CERT1: variants seen among roughly 807,000 people sequenced by gnomAD.
The protein encoded by CERT1 is ceramide transporter 1.
Under a neutral mutation model 87.9 loss-of-function variants are expected in CERT1, and 31 were observed. The observed-to-expected ratio is 0.35, with a 90% CI of 0.27 to 0.48. CERT1 has a LOEUF of 0.48. Ranked by LOEUF, CERT1 falls within the 20% of genes least tolerant of loss-of-function variation. The pLI is 0.99. For synonymous variants in CERT1, 289 were observed against 250.9 expected (o/e 1.15, Z -1.44); for missense variants, 487 against 758.0 (o/e 0.64, Z 4.20).
Position 75,386,019 on chromosome 5 carries a change from C to T in CERT1, c.1300G>A (p.Val434Ile), listed in dbSNP as rs61754509. The T allele has an allele frequency of 1.1e-5, 17 of 1,571,148 alleles. No individual in the cohort carries two copies. The highest frequency in any genetic ancestry group is 1.4e-5 in the Non-Finnish European group (16 of 1,160,154). Reference sequence around the variant, plus strand: ...TCCAGAACAATCCCATTTTCTTCTACTTCTCTTCTGTATACCTAAAGAGAA... The same window carrying T: ...TCCAGAACAATCCCATTTTCTTCTATTTCTCTTCTGTATACCTAAAGAGAA... ...EGEMKVYRRE[V>I]EENGIVLDPL... The change falls in exon 13 of 17, where the codon GTA (valine) becomes ATA (isoleucine). Residue 434 changes from valine (V) to isoleucine (I), a missense_variant. By Grantham distance (29) the Val-to-Ile change is conservative. Around this residue, in one of 8 missense-constraint regions of CERT1, gnomAD observed 147 missense variants for 200.8 expected, o/e 0.73. Transcript: ENST00000643780.
Position 75,459,060 on chromosome 5 carries a change from C to T in CERT1, c.348+5G>A. On this transcript the variant is annotated splice_donor_5th_base_variant and intron_variant, in intron 3 of 16. Transcript: ENST00000643780. ...CCATGGACAGGTAAACATTAGGGAT[C>T]TTACCTTGTGCTGTTCAATGGCATC... 1.9e-6 allele frequency: 3 copies of T among 1,547,154 alleles called. No homozygotes were observed. The highest frequency in any genetic ancestry group is 2.2e-5 in the South Asian group (2 of 89,626).
intron 2 of CERT1, among the ~76,000 whole-genome samples, chr5:75,468,742 G>A (rs1345606536): frequency 6.6e-6 from 1 of 152,156 alleles, no homozygotes; most frequent in Non-Finnish European, 1.5e-5. Flanking sequence ...GCCTAATGCT[G>A]TAACAGTTGC....
At chr5:75,413,963 C>CA (rs1418577682) in intron 7 of CERT1, among the ~76,000 whole-genome samples, 1 of 150,796 alleles carries the variant, frequency 6.6e-6, no homozygotes, top group Non-Finnish European at 1.5e-5. Context: ...TCATGATAGC[C>CA]AAAAAATGAA....
intron 8 of CERT1, among the ~76,000 whole-genome samples, chr5:75,404,457 G>C (rs1200511237): frequency 6.6e-6 from 1 of 152,104 alleles, no homozygotes; most frequent in Non-Finnish European, 1.5e-5. Context: ...CCTTCCTCCT[G>C]CAGGATTCTC....
In CERT1 at chr5:75,416,529, A is replaced by G. The variant is rs150916901; in HGVS notation, c.837+347T>C. Among the ~76,000 whole-genome samples, 318 of 152,342 alleles carry G rather than the reference A, an allele frequency of 2.1e-3. 1 individual carries two copies. The East Asian group carries it at 0.027, about 13-fold the overall frequency. On this transcript the variant is annotated intron_variant, in intron 7 of 16. Coordinates refer to ENST00000643780, the MANE Select transcript of CERT1 (RefSeq NM_001379029.1). Reference sequence around the variant, plus strand: ...AATGTTTAACTTTGTAAATTGGCATATAAGTTAGTTCATATGCCTTAAATG... The same window carrying G: ...AATGTTTAACTTTGTAAATTGGCATGTAAGTTAGTTCATATGCCTTAAATG...
intron 2 of CERT1, among the ~76,000 whole-genome samples, chr5:75,493,491 A>G (rs143413482): frequency 1.3e-5 from 2 of 152,354 alleles, no homozygotes; most frequent in East Asian, 3.9e-4. Flanking sequence ...GAATGTAGGC[A>G]TCAGCCATTG....
chr5:75,387,876 C>G (rs1761863899), intron 12 of CERT1, among the ~76,000 whole-genome samples: 2 of 152,204 alleles, frequency 1.3e-5, no homozygotes, highest in African/African-American at 4.8e-5. Context: ...CAATTTCTCT[C>G]TAACACTGTG....
At chr5:75,450,099 C>A (rs1341380071) in intron 3 of CERT1, among the ~76,000 whole-genome samples, 1 of 152,156 alleles carries the variant, frequency 6.6e-6, no homozygotes, top group African/African-American at 2.4e-5. Context: ...TGAAAAATCA[C>A]TGACCTTTCT....
At chr5:75,395,681 G>A (rs918048761) in intron 11 of CERT1, among the ~76,000 whole-genome samples, 1 of 151,780 alleles carries the variant, frequency 6.6e-6, no homozygotes, top group Non-Finnish European at 1.5e-5. Flanking sequence ...GGCTAACATG[G>A]TGAAACCCTG....
Position 75,508,627 on chromosome 5 carries a change from G to A in CERT1, c.96+2485C>T, listed in dbSNP as rs1026257344. 2.6e-5 allele frequency among the ~76,000 whole-genome samples: 4 copies of A among 152,048 alleles called. No individual in the cohort carries two copies. The East Asian group carries it at 7.7e-4, about 29-fold the overall frequency. On this transcript the variant is annotated intron_variant, in intron 1 of 16. Coordinates refer to ENST00000643780, the MANE Select transcript of CERT1 (RefSeq NM_001379029.1). Reference sequence around the variant, plus strand: ...TAAGGCAATATGCTAGACACTGCAGGGGAATCAAATATTACTGTGGCCAAC... The same window carrying A: ...TAAGGCAATATGCTAGACACTGCAGAGGAATCAAATATTACTGTGGCCAAC...
chr5:75,492,615 C>CT (rs1210839743), intron 2 of CERT1, among the ~76,000 whole-genome samples: 1 of 152,208 alleles, frequency 6.6e-6, no homozygotes, highest in Non-Finnish European at 1.5e-5. Flanking sequence ...CCTCATACCT[C>CT]TTCCCATTTC....
chr5:75,427,767 T>C (rs1182051085), intron 3 of CERT1, among the ~76,000 whole-genome samples: 4 of 152,204 alleles, frequency 2.6e-5, no homozygotes, highest in Non-Finnish European at 5.9e-5. Context: ...CTTTTCTTCA[T>C]TTGAATGGTG....
At chr5:75,403,971 GAAC>G (rs1402266272) in intron 8 of CERT1, among the ~76,000 whole-genome samples, 3 of 152,086 alleles carry the variant, frequency 2.0e-5, no homozygotes, top group African/African-American at 7.2e-5. Flanking sequence ...CAAGTAAGTG[GAAC>G]AACAGCTTTG....
chr5:75,376,837 G>C (rs900563012), downstream of CERT1: 1 of 151,988 alleles, frequency 6.6e-6, no homozygotes, highest in Non-Finnish European at 1.5e-5. Context: ...AGTTAGTATC[G>C]GACAATAAAT....
intron 2 of CERT1, among the ~76,000 whole-genome samples, chr5:75,464,436 G>C (rs1765372519): frequency 6.6e-6 from 1 of 152,184 alleles, no homozygotes. Flanking sequence ...ATAGGGTACA[G>C]GGTGCTATGG....
At chr5:75,457,943 T>G (rs548966826) in intron 3 of CERT1, among the ~76,000 whole-genome samples, 1 of 135,738 alleles carries the variant, frequency 7.4e-6, no homozygotes, top group East Asian at 2.4e-4. Flanking sequence ...GTGTGTGTGT[T>G]TTGTGCCTGT....
At chr5:75,505,771 C>A in intron 2 of CERT1, 1 of 343,246 alleles carries the variant, frequency 2.9e-6, no homozygotes, top group Non-Finnish European at 5.2e-6. Context: ...GATATACCCA[C>A]CAGATAAAAA....
At chr5:75,465,147 C>T (rs559689739) in intron 2 of CERT1, among the ~76,000 whole-genome samples, 24 of 152,216 alleles carry the variant, frequency 1.6e-4, no homozygotes, top group African/African-American at 5.8e-4. Context: ...CTAGCTCTCT[C>T]CTTTTTCAAG....
downstream of CERT1, chr5:75,374,624 C>G: frequency 1.5e-6 from 1 of 667,736 alleles, no homozygotes; most frequent in Non-Finnish European, 2.8e-6. Context: ...GGGACATTTC[C>G]GAAGCGAGTG....
Sources: gnomAD v4.1 joint callset for allele counts (sites outside exome capture counted in the v4.1 genomes callset) on GRCh38, gnomAD v4.1.1 for gene constraint, gnomAD v4.1.1 regional missense constraint, MANE v1.5 for transcripts, NCBI Gene and HGNC (gene_info 2026-07-23, HGNC 2026-07-21) for gene names.